The following CD8B variants were observed in gnomAD, a reference collection of about 807,000 sequenced individuals.
CD8B encodes CD8 subunit beta.
CD8B carries 6 observed loss-of-function variants against 24.2 expected under a neutral mutation model. The ratio of observed to expected loss-of-function variants is 0.25; its 90% CI spans 0.14 to 0.49. The LOEUF (loss-of-function observed/expected upper bound fraction) is 0.49, where lower values mean the gene tolerates loss of function less well. Ranked by LOEUF, CD8B falls within the 20% of genes least tolerant of loss-of-function variation. The pLI is 0.98. For missense variants in CD8B, 196 were observed against 271.3 expected, an observed-to-expected ratio of 0.72 and a Z score of 1.95; for synonymous variants, 84 against 108.3, an observed-to-expected ratio of 0.78 and a Z score of 1.39.
chr2:86,848,118 A>C (rs76890460), intron 3 of CD8B, among the ~76,000 whole-genome samples: 16 of 151,700 alleles, frequency 1.1e-4, no homozygotes, highest in Admixed American at 8.5e-4. Flanking sequence ...TTACAAAGGC[A>C]CCTTCCTGAG....
downstream of CD8B, among the ~76,000 whole-genome samples, chr2:86,835,819 A>G (rs1187756504): frequency 1.3e-5 from 2 of 148,676 alleles, no homozygotes; most frequent in Non-Finnish European, 3.0e-5. Flanking sequence ...TTGTGTTGGT[A>G]TCACCCGGGT....
intron 5 of CD8B, among the ~76,000 whole-genome samples, chr2:86,825,863 A>G (rs866404330): frequency 5.0e-4 from 76 of 152,130 alleles, no homozygotes; most frequent in African/African-American, 1.8e-3. Context: ...CCTGACTGTA[A>G]CAGGCTGCAT....
At chr2:86,835,857 T>G (rs71411871), downstream of CD8B, among the ~76,000 whole-genome samples, 1 of 151,060 alleles carries the variant, frequency 6.6e-6, no homozygotes, top group East Asian at 1.9e-4. Flanking sequence ...GGGGCTGGCA[T>G]GAGGCTGCAG....
chr2:86,851,612 C>T (rs992998113), intron 3 of CD8B, among the ~76,000 whole-genome samples: 10 of 152,138 alleles, frequency 6.6e-5, no homozygotes, highest in Admixed American at 6.5e-4. Context: ...TATTCAGTGC[C>T]GTCCTCAATA....
rs570291756 is a variant in CD8B at position 86,822,069 on chromosome 2, A to C, written c.621-6351T>G. On this transcript the variant is annotated intron_variant, in intron 5 of 5. Coordinates refer to the CD8B transcript ENST00000331469. ...TCCTGCCCTGACTTGCCCCAGTCAC[A>C]GGGCAGAGATGAACCAGGGACTGTA... 2.0e-5 allele frequency among the ~76,000 whole-genome samples: 3 copies of C among 152,296 alleles called. No individual in the cohort carries two copies. In the East Asian group the frequency reaches 5.8e-4, roughly 29 times the overall value.
chr2:86,819,296 T>A (rs1674375478), intron 5 of CD8B, among the ~76,000 whole-genome samples: 1 of 152,198 alleles, frequency 6.6e-6, no homozygotes, highest in African/African-American at 2.4e-5. Context: ...AAACAACAGA[T>A]TTTCAATGTA....
At chr2:86,847,123 G>C (rs1675728864) in intron 3 of CD8B, among the ~76,000 whole-genome samples, 2 of 151,606 alleles carry the variant, frequency 1.3e-5, no homozygotes, top group African/African-American at 4.8e-5. Flanking sequence ...CTTTAGTAGA[G>C]AGAGGGTTTT....
rs1675256345 is a variant in CD8B at position 86,838,210 on chromosome 2, T to TAATA, written c.*4093_*4096dup. 2.0e-5 allele frequency among the ~76,000 whole-genome samples: 3 copies of TAATA among 152,336 alleles called. No individual in the cohort carries two copies. Among genetic ancestry groups the TAATA allele is most frequent in the Admixed American group, 1.3e-4 (2 of 15,296 alleles). ...ATTGCTTTTTCCCCAACTACAAAAG[T>TAATA]AATACATGATGTAAAAATTCACACA... On this transcript the variant is annotated 3_prime_UTR_variant, in exon 6 of 6. Transcript: ENST00000390655.
intron 2 of CD8B, among the ~76,000 whole-genome samples, chr2:86,854,729 T>C (rs575444228): frequency 1.3e-5 from 2 of 152,048 alleles, no homozygotes; most frequent in African/African-American, 4.8e-5. Flanking sequence ...CAGATCTCTC[T>C]GCACTGATTT....
At chr2:86,820,964 C>CT (rs1332057863) in intron 5 of CD8B, among the ~76,000 whole-genome samples, 1 of 152,058 alleles carries the variant, frequency 6.6e-6, no homozygotes, top group Non-Finnish European at 1.5e-5. Context: ...GGTTAATTCA[C>CT]TTGCTCAGAG....
chr2:86,827,294 C>A (rs2104508069), intron 5 of CD8B, among the ~76,000 whole-genome samples: 1 of 151,028 alleles, frequency 6.6e-6, no homozygotes, highest in East Asian at 1.9e-4. Context: ...AATTGGCTTG[C>A]CCTGAGAGTT....
chr2:86,848,724 A>C (rs999669328), intron 3 of CD8B, among the ~76,000 whole-genome samples: 1 of 104,092 alleles, frequency 9.6e-6, no homozygotes, highest in African/African-American at 4.0e-5. Context: ...TTATTTATTT[A>C]TTTATTTTTG....
intron 1 of CD8B, 42 bp downstream of exon 1, chr2:86,861,781 G>A (rs1053542081): frequency 3.0e-5 from 38 of 1,248,344 alleles, no homozygotes; most frequent in Non-Finnish European, 3.7e-5. Flanking sequence ...CTCAGGCCCC[G>A]GGAGCGCAGA....
At position 86,839,777 on chromosome 2, in the gene CD8B, T is replaced by C. The variant is rs568824840; in HGVS notation, c.*2530A>G. Among the ~76,000 whole-genome samples the C allele has an allele frequency of 6.6e-6, 1 of 152,354 alleles. No individual in the cohort carries two copies. Among genetic ancestry groups the C allele is most frequent in the African/African-American group, 2.4e-5 (1 of 41,576 alleles). Reference sequence around the variant, plus strand: ...AAAGCCTGCAGTGGGACAAGAGGCCTTGTGGCCTGTTCTTACTTCCGCTGT... The same window carrying C: ...AAAGCCTGCAGTGGGACAAGAGGCCCTGTGGCCTGTTCTTACTTCCGCTGT... On this transcript the variant is annotated 3_prime_UTR_variant, in exon 6 of 6. Coordinates refer to ENST00000390655, the MANE Select transcript of CD8B (RefSeq NM_004931.5).
In CD8B at chr2:86,853,067, A is replaced by G. The variant is rs746555795; in HGVS notation, c.423T>C (p.Thr141=). ...GGGTGGACTTCTTGGTGGGCTGGGC[A>G]GTGGTGGGAAGGAAATCAACTACAG... is the stretch of plus-strand genomic sequence containing the variant. The part of the protein sequence containing the change: ...QLSVVDFLPT[T]AQPTKKSTLK... Residue 141 remains threonine (T), a synonymous_variant, in exon 3 of 6, where the codon ACT becomes ACC. Coordinates refer to ENST00000390655, the MANE Select transcript of CD8B (RefSeq NM_004931.5). 2.5e-5 allele frequency: 39 copies of G among 1,544,594 alleles called. No individual in the cohort carries two copies. The highest frequency in any genetic ancestry group is 1.7e-4 in the South Asian group (14 of 83,606).
chr2:86,837,611 C>T (rs528602535), downstream of CD8B, among the ~76,000 whole-genome samples: 102 of 126,468 alleles, frequency 8.1e-4, no homozygotes, highest in African/African-American at 2.8e-3. Context: ...GCAGCCCACG[C>T]GGGGTCGGGG....
At chr2:86,821,609 T>C in intron 5 of CD8B, 1 of 258,196 alleles carries the variant, frequency 3.9e-6, no homozygotes, top group East Asian at 1.2e-4. Flanking sequence ...CCACCCAGAG[T>C]TGACTGAAGA....
rs932825060 is a variant in CD8B, at chr2:86,838,655, T to A, written c.*3652A>T. On this transcript the variant is annotated 3_prime_UTR_variant, in exon 6 of 6. Coordinates refer to ENST00000390655, the MANE Select transcript of CD8B (RefSeq NM_004931.5). Reference sequence around the variant, plus strand: ...CTGGGACTACAGGCAAGCACCACCATGCCCAGAAAAAAATTTAAAAATTTT... The same window carrying A: ...CTGGGACTACAGGCAAGCACCACCAAGCCCAGAAAAAAATTTAAAAATTTT... Among the ~76,000 whole-genome samples the A allele has an allele frequency of 2.6e-4, 40 of 152,224 alleles. No homozygotes were observed. Among genetic ancestry groups the A allele is most frequent in the African/African-American group, 9.6e-4 (40 of 41,526 alleles).
At chr2:86,816,060 G>A (rs1458263550) in intron 5 of CD8B, among the ~76,000 whole-genome samples, 2 of 152,142 alleles carry the variant, frequency 1.3e-5, no homozygotes, top group Non-Finnish European at 2.9e-5. Flanking sequence ...TCCCTCTTGG[G>A]CATCACTGTC....
Sources: gnomAD v4.1 joint callset for allele counts (sites outside exome capture counted in the v4.1 genomes callset) on GRCh38, gnomAD v4.1.1 for gene constraint, MANE v1.5 for transcripts, NCBI Gene and HGNC (gene_info 2026-07-23, HGNC 2026-07-21) for gene names.